The following TDRD9 variants were observed in gnomAD, a reference collection of about 807,000 sequenced individuals.
The protein encoded by TDRD9 is ATP-dependent RNA helicase TDRD9.
A neutral mutation model predicts 172.6 loss-of-function variants in TDRD9; 124 were observed. The observed-to-expected ratio is 0.72, with a 90% CI of 0.62 to 0.83. The LOEUF (loss-of-function observed/expected upper bound fraction) is 0.83. Ranked by LOEUF, TDRD9 falls within the 40% of genes least tolerant of loss-of-function variation. TDRD9 has a pLI of 0.00. For missense variants in TDRD9, 1,479 were observed against 1,714.1 expected (o/e 0.86, Z 2.42); for synonymous variants, 619 against 617.1 (o/e 1.00, Z -0.05).
chr14:104,005,082 T>C, intron 14 of TDRD9, 192 bp from the exon 15 acceptor site: 1 of 450,654 alleles, frequency 2.2e-6, no homozygotes. Context: ...TTTTTATTTT[T>C]CCATCTCTTT....
chr14:104,029,409 A>C (rs1220124050), intron 28 of TDRD9, among the ~76,000 whole-genome samples: 7 of 152,130 alleles, frequency 4.6e-5, no homozygotes, highest in African/African-American at 7.2e-5. Context: ...TTGGTTAAAT[A>C]TATTCCTCGG....
At chr14:104,049,871 C>A in intron 35 of TDRD9, 191 bp downstream of exon 35, 1 of 539,412 alleles carries the variant, frequency 1.9e-6, no homozygotes, top group South Asian at 3.0e-5. Context: ...ACAGTGTCTT[C>A]TATGTGATGT....
Position 104,006,784 on chromosome 14 carries a change from A to G in TDRD9, c.1946A>G (p.Asn649Ser). The change falls in exon 18 of 36, where the codon AAC (asparagine) becomes AGC (serine). Residue 649 changes from asparagine to serine, a missense_variant and splice_region_variant. Physicochemically the swap from Asn to Ser is conservative, Grantham distance 46 (BLOSUM62 1). Around this residue, in one of 3 missense-constraint regions of TDRD9, gnomAD observed 1,413 missense variants for 1,649.1 expected, o/e 0.86. Transcript: ENST00000409874. ...ATGACACTGTTATCTGTTTATAGGA[A>G]CAAAGTGAATTTCTCTGGCAGTAGC... is the stretch of plus-strand genomic sequence containing the variant. ...PFRQHLDGYR[N>S]KVNFSGSSKS... is the part of the protein sequence containing the mutation. 6.2e-7 allele frequency: 1 copy of G among 1,613,640 alleles called. No individual in the cohort carries two copies. The highest frequency in any genetic ancestry group is 8.5e-7 in the Non-Finnish European group (1 of 1,179,686).
Position 104,025,676 on chromosome 14 carries a change from A to T in TDRD9, c.2831A>T (p.His944Leu). 6.2e-7 allele frequency: 1 copy of T among 1,613,966 alleles called. No homozygotes were observed. The highest frequency in any genetic ancestry group is 8.5e-7 in the Non-Finnish European group (1 of 1,179,878). The change falls in exon 26 of 36, where the codon CAC (histidine) becomes CTC (leucine). Residue 944 changes from histidine (H) to leucine (L), a missense_variant. His to Leu is a moderately conservative substitution (Grantham distance 99). Transcript: ENST00000409874. ...NQLTLVPLPT[H>L]PHPDLVCLAP... Reference sequence around the variant, plus strand: ...CTGACGCTGGTGCCCTTGCCCACTCACCCACATCCAGACTTGGTCTGTCTG... The same window carrying T: ...CTGACGCTGGTGCCCTTGCCCACTCTCCCACATCCAGACTTGGTCTGTCTG...
chr14:104,005,248 CT>C, intron 14 of TDRD9, 25 bp from the exon 15 acceptor site: 1 of 1,611,656 alleles, frequency 6.2e-7, no homozygotes, highest in Non-Finnish European at 8.5e-7. Context: ...GTTATTATTT[CT>C]AATCTCAGGC....
At chr14:103,994,832 G>A (rs2033999076) in intron 11 of TDRD9, among the ~76,000 whole-genome samples, 1 of 152,048 alleles carries the variant, frequency 6.6e-6, no homozygotes, top group Non-Finnish European at 1.5e-5. Context: ...GCATGCACCT[G>A]TAGTCCCAGC....
Position 103,965,382 on chromosome 14 carries a change from C to T in TDRD9, c.470C>T (p.Thr157Met), listed in dbSNP as rs1008401582. 36 of 1,551,540 alleles carry T rather than the reference C, an allele frequency of 2.3e-5. No individual in the cohort carries two copies. Among genetic ancestry groups the T allele is most frequent in the Admixed American group, 7.8e-5 (4 of 50,978 alleles). Residue 157 changes from threonine to methionine, a missense_variant, in exon 4 of 36, where the codon ACG becomes ATG. Physicochemically the swap from Thr to Met is moderately conservative, Grantham distance 81. Coordinates refer to ENST00000409874, the MANE Select transcript of TDRD9 (RefSeq NM_153046.3). ...TCCGTGGTGATTATCCATGGGGCCA[C>T]GGGAAGCGGTAAAAGCACTCAGCTC... ...SNSVVIIHGA[T>M]GSGKSTQLPQ...
chr14:104,026,722 C>G lies in TDRD9; in HGVS notation c.3065C>G (p.Ser1022Cys), dbSNP rs752293121. ...KICKMRPSAK[S>C]LVCGKHWSDG... ...TGCAAAATGAGACCATCAGCAAAGT[C>G]TCTTGTTTGTGGCAAGCACTGGAGT... The change falls in exon 28 of 36, where the codon TCT (serine) becomes TGT (cysteine). Residue 1022 changes from serine (S) to cysteine (C), a missense_variant. Physicochemically the swap from Ser to Cys is moderately radical, Grantham distance 112. Around this residue, in one of 3 missense-constraint regions of TDRD9, gnomAD observed 1,413 missense variants for 1,649.1 expected, o/e 0.86. Transcript: ENST00000409874. The G allele has an allele frequency of 6.2e-7, 1 of 1,614,000 alleles. No individual in the cohort carries two copies. The highest frequency in any genetic ancestry group is 1.1e-5 in the South Asian group (1 of 91,078).
At chr14:103,984,951 A>G (rs1397392522) in intron 7 of TDRD9, among the ~76,000 whole-genome samples, 1 of 152,186 alleles carries the variant, frequency 6.6e-6, no homozygotes, top group Non-Finnish European at 1.5e-5. Flanking sequence ...GTCAAAGATC[A>G]TTTTGGAGCT....
chr14:103,994,539 A>T lies in TDRD9; in HGVS notation c.1256A>T (p.His419Leu). Residue 419 changes from histidine (H) to leucine (L), a missense_variant, in exon 11 of 36, where the codon CAT becomes CTT. Coordinates refer to ENST00000409874, the MANE Select transcript of TDRD9 (RefSeq NM_153046.3). ...CTTAGGTTGCAGGTCTATCCACTCC[A>T]TTCAAGTGTGGCTTTAGAAGAACAG... ...VHKRLQVYPLHSSVALEEQNN... is the reference protein window; with the variant it reads ...VHKRLQVYPLLSSVALEEQNN... 6.2e-7 allele frequency: 1 copy of T among 1,613,916 alleles called. No homozygotes were observed. Among genetic ancestry groups the T allele is most frequent in the East Asian group, 2.2e-5 (1 of 44,880 alleles).
intron 2 of TDRD9, among the ~76,000 whole-genome samples, chr14:103,956,888 GC>G (rs1420478398): frequency 1.3e-5 from 2 of 151,398 alleles, no homozygotes; most frequent in Non-Finnish European, 2.9e-5. Context: ...GATTTTTTTT[GC>G]TTTATGAGAG....
intron 32 of TDRD9, 68 bp downstream of exon 32, chr14:104,035,124 C>G (rs2035412363): frequency 2.4e-6 from 3 of 1,240,976 alleles, no homozygotes; most frequent in Non-Finnish European, 1.1e-6. Flanking sequence ...ACGGGTGCCT[C>G]TCCTTGCTCC....
At chr14:104,031,517 T>C (rs1393937433) in intron 29 of TDRD9, among the ~76,000 whole-genome samples, 1 of 151,460 alleles carries the variant, frequency 6.6e-6, no homozygotes, top group Non-Finnish European at 1.5e-5. Context: ...TGTGCTTTTT[T>C]TGTCGGACTA....
At chr14:104,049,566 A>G in intron 34 of TDRD9, 42 bp from the exon 35 acceptor site, 3 of 1,448,172 alleles carry the variant, frequency 2.1e-6, no homozygotes, top group Non-Finnish European at 2.8e-6. Flanking sequence ...GTTTTCAGTT[A>G]CTAATATATA....
chr14:103,933,788 A>T (rs2030562543), intron 1 of TDRD9, among the ~76,000 whole-genome samples: 1 of 152,226 alleles, frequency 6.6e-6, no homozygotes, highest in African/African-American at 2.4e-5. Flanking sequence ...GTCAGGTGAC[A>T]CAGGAAATGA....
intron 6 of TDRD9, among the ~76,000 whole-genome samples, chr14:103,973,933 C>A (rs1296334594): frequency 6.6e-6 from 1 of 152,166 alleles, no homozygotes; most frequent in East Asian, 1.9e-4. Context: ...TGTGGTGGCT[C>A]ATGCCTGTAA....
intron 21 of TDRD9, 30 bp downstream of exon 21, chr14:104,014,871 T>TTC (rs397949797): frequency 1.5e-6 from 2 of 1,354,218 alleles, no homozygotes; most frequent in Non-Finnish European, 2.1e-6. Flanking sequence ...ATATTTTTTT[T>TTC]CCTGATTCTT....
At chr14:104,020,771 A>G (rs1595995098) in intron 23 of TDRD9, among the ~76,000 whole-genome samples, 1 of 152,104 alleles carries the variant, frequency 6.6e-6, no homozygotes, top group East Asian at 1.9e-4. Flanking sequence ...GAAGGGGCCC[A>G]GGTCTGTTTT....
rs535389916 is a variant in TDRD9, at chr14:103,964,208, A to C, written c.420+1032A>C. On this transcript the variant is annotated intron_variant, in intron 3 of 35. Transcript: ENST00000409874. The stretch of plus-strand genomic sequence containing the variant: ...CAGTGAGCCATGATTGTGCCACTGC[A>C]CTCCAGCCTGGGTGACAGAGCTAGA... Among the ~76,000 whole-genome samples, 10 of 152,284 alleles carry C rather than the reference A, an allele frequency of 6.6e-5. No homozygotes were observed. In the South Asian group the frequency reaches 1.9e-3, roughly 28 times the overall value.
Sources: gnomAD v4.1 joint callset for allele counts (sites outside exome capture counted in the v4.1 genomes callset) on GRCh38, gnomAD v4.1.1 for gene constraint, gnomAD v4.1.1 regional missense constraint, MANE v1.5 for transcripts, NCBI Gene and HGNC (gene_info 2026-07-23, HGNC 2026-07-21) for gene names.